CCHCR1: variants seen among roughly 807,000 people sequenced by gnomAD.
The protein encoded by CCHCR1 is coiled-coil alpha-helical rod protein 1.
Under a neutral mutation model 114.6 loss-of-function variants are expected in CCHCR1, and 91 were observed. That is an observed-to-expected ratio of 0.79 (90% CI 0.67 to 0.94). CCHCR1 has a LOEUF of 0.94. CCHCR1 is among the 40% of genes least tolerant of loss of function. The pLI is 0.00. For missense variants in CCHCR1, 899 were observed against 1,079.9 expected (o/e 0.83, Z 2.35); for synonymous variants, 379 against 428.5 (o/e 0.88, Z 1.43).
chr6:31,147,823 C>T (rs1450833004), intron 10 of CCHCR1, among the ~76,000 whole-genome samples: 3 of 151,802 alleles, frequency 2.0e-5, no homozygotes, highest in East Asian at 1.9e-4. Context: ...AAAAATTAGC[C>T]GGGTGTAGTG....
chr6:31,145,208 C>CAGA lies in CCHCR1; in HGVS notation c.1833_1834insTCT (p.Ser611dup). On this transcript the variant is annotated inframe_insertion, in exon 13 of 18. Coordinates refer to ENST00000396268, the MANE Select transcript of CCHCR1 (RefSeq NM_001105564.2). ...CCCACCTCCTGCTGGATGAGGCGGG[C>CAGA]ACTCAGCTGCAGTTCTGCATCCAGG... The CAGA allele has an allele frequency of 1.2e-6, 2 of 1,613,286 alleles. No individual in the cohort carries two copies.
At position 31,143,385 on chromosome 6, in the gene CCHCR1, T is replaced by C; in HGVS notation, c.2196A>G (p.Arg732=). Residue 732 remains arginine, a synonymous_variant, in exon 16 of 18, where the codon AGA becomes AGG. Transcript: ENST00000396268. The surrounding 1 kb of genome is among the most constrained non-coding windows in gnomAD (Gnocchi z 5.3). ...GGCTCCGCTCCTTTTCCTGGGCGGCTCTGCGCTGAATCTGGCGTAAGGAGA... is the reference window on the plus strand; with the variant it reads ...GGCTCCGCTCCTTTTCCTGGGCGGCCCTGCGCTGAATCTGGCGTAAGGAGA... ...AVVSLRQIQR[R]AAQEKERSQE... 6.2e-7 allele frequency: 1 copy of C among 1,612,952 alleles called. No homozygotes were observed.
intron 4 of CCHCR1, among the ~76,000 whole-genome samples, chr6:31,153,202 G>T (rs932508155): frequency 6.6e-6 from 1 of 151,756 alleles, no homozygotes; most frequent in Non-Finnish European, 1.5e-5. Context: ...TTTAACTCCT[G>T]GCCTCAAGTG....
chr6:31,146,175 C>G (rs372292696), intron 10 of CCHCR1, among the ~76,000 whole-genome samples: 4 of 152,040 alleles, frequency 2.6e-5, no homozygotes, highest in African/African-American at 9.7e-5. Flanking sequence ...GTGAAACTCT[C>G]TCTACTTAAA....
At chr6:31,153,083 T>C (rs1457295484) in intron 4 of CCHCR1, among the ~76,000 whole-genome samples, 1 of 152,284 alleles carries the variant, frequency 6.6e-6, no homozygotes, top group South Asian at 2.1e-4. Flanking sequence ...GTTCAAGCAA[T>C]TCTCCTGCCT....
At position 31,148,494 on chromosome 6, in the gene CCHCR1, C is replaced by T; in HGVS notation, c.1491G>A (p.Leu497=). The change falls in exon 10 of 18, where the codon CTG becomes CTA. Residue 497 remains leucine, a synonymous_variant. Transcript: ENST00000396268. ...GACGCCTGGCCTCCTGAGCACGGCT[C>T]AGCTCCAACTGCAGGCCCTGGGGAG... ...RMGAKGLQLE[L]SRAQEARRRW... is the part of the protein sequence containing the mutation. 1 of 1,612,692 alleles carries T rather than the reference C, an allele frequency of 6.2e-7. No homozygotes were observed. Among genetic ancestry groups the T allele is most frequent in the Middle Eastern group, 1.6e-4 (1 of 6,062 alleles).
rs766225881 is a variant in CCHCR1, at chr6:31,143,088, C to T, written c.2366G>A (p.Arg789Gln). The change falls in exon 17 of 18, where the codon CGA becomes CAA. Residue 789 changes from arginine to glutamine, a missense_variant. Physicochemically the swap from Arg to Gln is conservative, Grantham distance 43 (BLOSUM62 1). Transcript: ENST00000396268. The surrounding 1 kb of genome is among the most constrained non-coding windows in gnomAD (Gnocchi z 5.3). ...EGLLSRYKQQ[R>Q]LLTVLPSLLD... ...TAGGGAAGGAAGAACTGTCAACAGT[C>T]GCTGCTGCTTGTAACGGGAGAGGAG... The T allele has an allele frequency of 9.3e-6, 15 of 1,612,984 alleles. No individual in the cohort carries two copies. The Admixed American group carries it at 1.2e-4, about 13-fold the overall frequency.
rs766666670 is a variant in CCHCR1, at chr6:31,150,850, C to T, written c.976G>A (p.Glu326Lys). ...AGGGTCACCTGAGCCTCCAAGTCTT[C>T]CTGGGTCTTGCTAGGGTTGGGGTGG... The part of the protein sequence containing the change: ...LLRKQLSKTQ[E>K]DLEAQVTLVE... Residue 326 changes from glutamate to lysine, a missense_variant, in exon 6 of 18, where the codon GAA (glutamate) becomes AAA (lysine). Glu to Lys is a moderately conservative substitution (Grantham distance 56). Transcript: ENST00000396268. The surrounding 1 kb of genome is among the most constrained non-coding windows in gnomAD (Gnocchi z 5.3). The T allele has an allele frequency of 3.1e-6, 5 of 1,612,880 alleles. No individual in the cohort carries two copies. Among genetic ancestry groups the T allele is most frequent in the South Asian group, 1.1e-5 (1 of 91,062 alleles).
At position 31,150,560 on chromosome 6, in the gene CCHCR1, C is replaced by A; in HGVS notation, c.1107G>T (p.Leu369Phe). The change falls in exon 7 of 18, where the codon TTG becomes TTT. Residue 369 changes from leucine (L) to phenylalanine (F), a missense_variant. Transcript: ENST00000396268. This position sits in a 1 kb window ranked among gnomAD's most constrained non-coding sequence, Gnocchi z 5.3. ...CATGCAGGCTGTCCCGGTCCTCCTG[C>A]AAGTGCTGCGGGCAGAGGAAAGCAG... ...RQKLLETMQHLQEDRDSLHAT... is the reference protein window; with the variant it reads ...RQKLLETMQHFQEDRDSLHAT... The A allele has an allele frequency of 1.2e-6, 2 of 1,611,018 alleles. No individual in the cohort carries two copies. The highest frequency in any genetic ancestry group is 1.7e-6 in the Non-Finnish European group (2 of 1,179,372).
At position 31,144,935 on chromosome 6, in the gene CCHCR1, GCCT is replaced by G; in HGVS notation, c.2012_2014del (p.Glu671del). 6.2e-7 allele frequency: 1 copy of G among 1,612,588 alleles called. No individual in the cohort carries two copies. The highest frequency in any genetic ancestry group is 8.5e-7 in the Non-Finnish European group (1 of 1,179,980). On this transcript the variant is annotated inframe_deletion, in exon 14 of 18. Transcript: ENST00000396268. This position sits in a 1 kb window ranked among gnomAD's most constrained non-coding sequence, Gnocchi z 4.6. ...GGTCAGCTCCTGCCGCAGACTGGCAGCCTCCTCTGTGCTCTCCTGCTGGCCCTG... is the reference window on the plus strand; with the variant it reads ...GGTCAGCTCCTGCCGCAGACTGGCAGCCTCTGTGCTCTCCTGCTGGCCCTG...
chr6:31,152,448 C>T (rs1167498907), intron 4 of CCHCR1, among the ~76,000 whole-genome samples: 1 of 149,896 alleles, frequency 6.7e-6, no homozygotes, highest in Non-Finnish European at 1.5e-5. Context: ...AAGCGATTCT[C>T]CTGCCTCACC....
At chr6:31,155,554 A>G (rs1471275296) in intron 3 of CCHCR1, among the ~76,000 whole-genome samples, 1 of 138,728 alleles carries the variant, frequency 7.2e-6, no homozygotes, top group Non-Finnish European at 1.5e-5. Flanking sequence ...CAGTGAGCCA[A>G]GATCTCCCCA....
Position 31,157,689 on chromosome 6 carries a change from T to C in CCHCR1, c.-89A>G. 1 of 1,033,200 alleles carries C rather than the reference T, an allele frequency of 9.7e-7. No individual in the cohort carries two copies. Among genetic ancestry groups the C allele is most frequent in the Non-Finnish European group, 1.4e-6 (1 of 705,780 alleles). 64.0% of individuals were successfully genotyped at this position (1,033,200 alleles called of 1,614,324 possible). A position where few individuals can be genotyped will look rare whatever the true frequency, so the allele number is the denominator to read the frequency against. On this transcript the variant is annotated 5_prime_UTR_variant, in exon 1 of 18. Transcript: ENST00000396268. The stretch of plus-strand genomic sequence containing the variant: ...CCAGCGTCCTGACATCTTATTCAAA[T>C]CTTTCCTGCGGCTGTTCTCTCAGCT...
intron 10 of CCHCR1, among the ~76,000 whole-genome samples, chr6:31,147,399 CAAAAAAAAAAA>C (rs9278998): frequency 2.4e-5 from 3 of 126,976 alleles, no homozygotes; most frequent in African/African-American, 6.2e-5. Context: ...GACTCTGTCT[CAAAAAAAAAAA>C]AAAAAAAAAA....
At position 31,144,093 on chromosome 6, in the gene CCHCR1, C is replaced by T. The variant is rs575810009; in HGVS notation, c.2167+594G>A. Among the ~76,000 whole-genome samples the T allele has an allele frequency of 6.6e-6, 1 of 152,266 alleles. No homozygotes were observed. The highest frequency in any genetic ancestry group is 1.9e-4 in the East Asian group (1 of 5,182). On this transcript the variant is annotated intron_variant, in intron 15 of 17. Coordinates refer to ENST00000396268, the MANE Select transcript of CCHCR1 (RefSeq NM_001105564.2). The surrounding 1 kb of genome is among the most constrained non-coding windows in gnomAD (Gnocchi z 4.6). ...ACAACAAAACATTAAATGATTACAA[C>T]TTAAAGTGATTCAAAAGATGTACAA...
chr6:31,146,040 T>C (rs1774284440), intron 10 of CCHCR1, among the ~76,000 whole-genome samples: 1 of 152,220 alleles, frequency 6.6e-6, no homozygotes, highest in Non-Finnish European at 1.5e-5. Context: ...CTATCGTGTA[T>C]CAAAGAGTAA....
At position 31,154,512 on chromosome 6, in the gene CCHCR1, C is replaced by T; in HGVS notation, c.785G>A (p.Arg262Lys). ...GSQRELEEVQ[R>K]LHQEQLSSLT... ...TGCATTCACCTGCTCTTGGTGCAGCCTCTGAACCTCTTCCAGCTCCCGCTG... is the reference window on the plus strand; with the variant it reads ...TGCATTCACCTGCTCTTGGTGCAGCTTCTGAACCTCTTCCAGCTCCCGCTG... The change falls in exon 4 of 18, where the codon AGG becomes AAG. Residue 262 changes from arginine to lysine, a missense_variant. Transcript: ENST00000396268. The surrounding 1 kb of genome is among the most constrained non-coding windows in gnomAD (Gnocchi z 4.1). 1 of 1,611,912 alleles carries T rather than the reference C, an allele frequency of 6.2e-7. No individual in the cohort carries two copies. Among genetic ancestry groups the T allele is most frequent in the African/African-American group, 1.3e-5 (1 of 75,040 alleles).
At chr6:31,152,730 C>T (rs1361701739) in intron 4 of CCHCR1, among the ~76,000 whole-genome samples, 1 of 151,970 alleles carries the variant, frequency 6.6e-6, no homozygotes, top group Non-Finnish European at 1.5e-5. Flanking sequence ...TCCACCTTGG[C>T]CTCCCAAAGT....
upstream of CCHCR1, chr6:31,157,939 C>T: frequency 2.7e-6 from 1 of 363,970 alleles, no homozygotes; most frequent in Non-Finnish European, 5.1e-6. Context: ...TCTCAATAGC[C>T]TGCCCTCGCC....
Sources: gnomAD v4.1 joint callset for allele counts (sites outside exome capture counted in the v4.1 genomes callset) on GRCh38, gnomAD v4.1.1 for gene constraint, Gnocchi (gnomAD v3.1) non-coding constraint, MANE v1.5 for transcripts, NCBI Gene and HGNC (gene_info 2026-07-23, HGNC 2026-07-21) for gene names.